KCNH7: variants seen among roughly 807,000 people sequenced by gnomAD.
KCNH7 encodes the protein potassium voltage-gated channel subfamily H member 7, also known as voltage-gated inwardly rectifying potassium channel KCNH7.
KCNH7 carries 49 observed loss-of-function variants against 120.8 expected under a neutral mutation model. The observed-to-expected ratio is 0.41, with a 90% CI of 0.32 to 0.51. The LOEUF (loss-of-function observed/expected upper bound fraction) is 0.51, where lower values mean the gene tolerates loss of function less well. Ranked by LOEUF, KCNH7 falls within the 20% of genes least tolerant of loss-of-function variation. KCNH7 has a pLI of 0.38. For missense variants in KCNH7, 1,097 were observed against 1,446.6 expected (o/e 0.76, Z 3.92); for synonymous variants, 547 against 516.1 (o/e 1.06, Z -0.81).
intron 2 of KCNH7, among the ~76,000 whole-genome samples, chr2:162,540,878 T>A (rs1237613874): frequency 6.6e-6 from 1 of 152,072 alleles, no homozygotes; most frequent in Non-Finnish European, 1.5e-5. Context: ...GCAATACTCT[T>A]GGTAAGCCAA....
At chr2:162,506,085 G>A (rs1436639255) in intron 5 of KCNH7, among the ~76,000 whole-genome samples, 3 of 151,824 alleles carry the variant, frequency 2.0e-5, no homozygotes, top group Non-Finnish European at 4.4e-5. Context: ...TGTGTTTCTT[G>A]AGTTGCATTT....
chr2:162,734,785 A>G (rs753064871), intron 2 of KCNH7, among the ~76,000 whole-genome samples: 3 of 152,182 alleles, frequency 2.0e-5, no homozygotes, highest in Admixed American at 2.0e-4. Flanking sequence ...ACCATAAAGC[A>G]TAGTCATAGA....
intron 2 of KCNH7, among the ~76,000 whole-genome samples, chr2:162,671,717 T>C (rs1032146385): frequency 3.3e-5 from 5 of 151,406 alleles, no homozygotes; most frequent in Admixed American, 6.6e-5. Flanking sequence ...AGCTCCTAAA[T>C]CTATAAAAAT....
intron 2 of KCNH7, among the ~76,000 whole-genome samples, chr2:162,764,958 C>A (rs952188764): frequency 6.6e-6 from 1 of 151,944 alleles, no homozygotes; most frequent in Admixed American, 6.6e-5. Flanking sequence ...CATATATAGC[C>A]ATATAAACAT....
chr2:162,433,967 T>A (rs1283572863), intron 8 of KCNH7, among the ~76,000 whole-genome samples: 1 of 151,948 alleles, frequency 6.6e-6, no homozygotes, highest in African/African-American at 2.4e-5. Flanking sequence ...GAAGAAGACA[T>A]GGAATCAACC....
At chr2:162,816,756 A>C (rs1351103439) in intron 2 of KCNH7, among the ~76,000 whole-genome samples, 1 of 152,194 alleles carries the variant, frequency 6.6e-6, no homozygotes, top group Non-Finnish European at 1.5e-5. Context: ...AAACTAAACC[A>C]ATGGCTTATC....
At chr2:162,412,819 A>T (rs76733347) in intron 9 of KCNH7, among the ~76,000 whole-genome samples, 86 of 152,268 alleles carry the variant, frequency 5.6e-4, no homozygotes, top group Admixed American at 2.2e-3. Context: ...GTCCTCCTGA[A>T]CTCATACTAA....
rs769317212 is a variant in KCNH7, at chr2:162,615,253, C to CA, written c.308-78174dup. 9.3e-4 allele frequency among the ~76,000 whole-genome samples: 142 copies of CA among 152,136 alleles called. 1 individual carries two copies. Among genetic ancestry groups the CA allele is most frequent in the Non-Finnish European group, 1.7e-3 (116 of 68,020 alleles). ...GATTTCACATGTAGATTCTAATAAG[C>CA]ATAGAAAACTGCTGTGCCTCCCACA... On this transcript the variant is annotated intron_variant, in intron 2 of 15. Coordinates refer to ENST00000332142, the MANE Select transcript of KCNH7 (RefSeq NM_033272.4).
At chr2:162,680,788 T>C (rs1685685388) in intron 2 of KCNH7, among the ~76,000 whole-genome samples, 1 of 151,692 alleles carries the variant, frequency 6.6e-6, no homozygotes, top group African/African-American at 2.4e-5. Flanking sequence ...GTAATACTAG[T>C]GTCTACTTTA....
chr2:162,609,173 C>A (rs559596201), intron 2 of KCNH7, among the ~76,000 whole-genome samples: 174 of 152,214 alleles, frequency 1.1e-3, no homozygotes, highest in African/African-American at 3.9e-3. Context: ...CTACACAAAC[C>A]CAAAGTATCC....
intron 13 of KCNH7, 45 bp downstream of exon 13, chr2:162,384,643 G>T: frequency 6.3e-7 from 1 of 1,579,074 alleles, no homozygotes; most frequent in Non-Finnish European, 8.6e-7. Flanking sequence ...ACCATTTTGT[G>T]ATTAGCACTG....
At chr2:162,531,660 T>C (rs2105815095) in intron 3 of KCNH7, among the ~76,000 whole-genome samples, 1 of 152,102 alleles carries the variant, frequency 6.6e-6, no homozygotes, top group East Asian at 1.9e-4. Context: ...TTTTTCTAAA[T>C]ATGTCACCTG....
intron 6 of KCNH7, among the ~76,000 whole-genome samples, chr2:162,467,242 T>C (rs561143722): frequency 2.0e-5 from 3 of 152,314 alleles, no homozygotes; most frequent in Admixed American, 2.0e-4. Flanking sequence ...ATGAAATCAA[T>C]GTGTCAACTT....
chr2:162,661,579 T>C (rs760432089), intron 2 of KCNH7, among the ~76,000 whole-genome samples: 4 of 152,118 alleles, frequency 2.6e-5, no homozygotes, highest in Admixed American at 6.6e-5. Flanking sequence ...TATATCCAAA[T>C]GAGGTGTGTC....
intron 2 of KCNH7, among the ~76,000 whole-genome samples, chr2:162,830,103 G>T (rs1685422189): frequency 6.6e-6 from 1 of 152,180 alleles, no homozygotes; most frequent in African/African-American, 2.4e-5. Context: ...AGACAGAAGT[G>T]CAGATAGTGG....
At chr2:162,580,765 G>A (rs375788292) in intron 2 of KCNH7, among the ~76,000 whole-genome samples, 1 of 151,978 alleles carries the variant, frequency 6.6e-6, no homozygotes, top group Non-Finnish European at 1.5e-5. Context: ...GCAGAGTCAG[G>A]GAGGTTGAGA....
In KCNH7 at chr2:162,456,628, G is replaced by A. The variant is rs910554813; in HGVS notation, c.1129-10185C>T. On this transcript the variant is annotated intron_variant, in intron 6 of 15. Transcript: ENST00000332142. The stretch of plus-strand genomic sequence containing the variant: ...TGTTAAAGTCTCCCACTATTATCAC[G>A]AGGGAGTCTAAGTCTCTTTGTAGGT... Among the ~76,000 whole-genome samples, 9 of 152,202 alleles carry A rather than the reference G, an allele frequency of 5.9e-5. 1 individual carries two copies. The highest frequency in any genetic ancestry group is 4.6e-4 in the Admixed American group (7 of 15,276).
intron 2 of KCNH7, among the ~76,000 whole-genome samples, chr2:162,809,550 TA>T (rs1684661400): frequency 6.6e-6 from 1 of 152,202 alleles, no homozygotes; most frequent in Non-Finnish European, 1.5e-5. Context: ...TTGTGCATTT[TA>T]GTAAAAAATA....
intron 2 of KCNH7, among the ~76,000 whole-genome samples, chr2:162,786,924 G>C (rs1026863033): frequency 5.3e-5 from 8 of 152,206 alleles, no homozygotes; most frequent in African/African-American, 1.9e-4. Context: ...ACGAGAATAA[G>C]AAAAGATGCA....
Sources: allele counts gnomAD v4.1 joint callset (sites outside exome capture counted in the v4.1 genomes callset), GRCh38; gene constraint gnomAD v4.1.1; transcripts MANE v1.5; gene names NCBI Gene and HGNC (gene_info 2026-07-23, HGNC 2026-07-21).